Variants in NAPEPLD observed in about 807,000 individuals in gnomAD.
NAPEPLD encodes the protein N-acyl-phosphatidylethanolamine-hydrolyzing phospholipase D.
In NAPEPLD, 23 loss-of-function variants were observed where a neutral mutation model predicts 38.1. The observed-to-expected ratio is 0.60, with a 90% CI of 0.43 to 0.86. The LOEUF is 0.86. Among genes scored for constraint, NAPEPLD ranks in the 40% least tolerant of loss-of-function variants. The probability of loss-of-function intolerance (pLI) is 0.00; values close to 1 mark genes in which losing one functional copy is unlikely to be tolerated. For synonymous variants in NAPEPLD, 147 were observed against 162.0 expected (o/e 0.91, Z 0.71); for missense variants, 411 against 476.8 (o/e 0.86, Z 1.28).
chr7:103,120,034 G>T lies in NAPEPLD; in HGVS notation c.484C>A (p.Pro162Thr). Residue 162 changes from proline to threonine, a missense_variant, in exon 3 of 5, where the codon CCA (proline) becomes ACA (threonine). Coordinates refer to ENST00000465647, the MANE Select transcript of NAPEPLD (RefSeq NM_001122838.3). Reference protein sequence around the residue: ...SRASPSQYMGPKRFRRSPCTI... With the variant: ...SRASPSQYMGTKRFRRSPCTI... The stretch of plus-strand genomic sequence containing the variant: ...CACGGGGAACGACGAAATCGCTTTG[G>T]ACCCATGTACTGCGATGGTGAAGCA... 6.2e-7 allele frequency: 1 copy of T among 1,614,182 alleles called. No individual in the cohort carries two copies. Among genetic ancestry groups the T allele is most frequent in the South Asian group, 1.1e-5 (1 of 91,088 alleles).
chr7:103,113,956 T>G (rs1805075896), intron 4 of NAPEPLD, among the ~76,000 whole-genome samples: 1 of 150,692 alleles, frequency 6.6e-6, no homozygotes, highest in Non-Finnish European at 1.5e-5. Context: ...TGGAGTATAG[T>G]GGCACAATCT....
chr7:103,135,205 C>T (rs570706311), intron 1 of NAPEPLD, among the ~76,000 whole-genome samples: 2 of 152,310 alleles, frequency 1.3e-5, no homozygotes, highest in East Asian at 3.8e-4. Context: ...TCAGATATCT[C>T]TGACTAAATA....
intron 2 of NAPEPLD, among the ~76,000 whole-genome samples, chr7:103,120,643 A>G (rs1806449825): frequency 6.8e-6 from 1 of 147,576 alleles, no homozygotes; most frequent in African/African-American, 2.5e-5. Flanking sequence ...AAGAAAGCTT[A>G]TGACCATTTA....
Position 103,141,693 on chromosome 7 carries a change from C to T in NAPEPLD, c.-17+7118G>A, listed in dbSNP as rs1811409150. 4 of 914,564 alleles carry T rather than the reference C, an allele frequency of 4.4e-6. No homozygotes were observed. The South Asian group carries it at 5.2e-5, about 12-fold the overall frequency. 56.7% of individuals were successfully genotyped at this position (914,564 alleles called of 1,614,324 possible). ...TCTGGCATTCGGGCATTGGCTGTAC[C>T]CTTCCGCTTACCTATGCCCATATGC... On this transcript the variant is annotated intron_variant, in intron 1 of 4. Transcript: ENST00000465647.
At chr7:103,111,379 T>A (rs938882926) in intron 4 of NAPEPLD, among the ~76,000 whole-genome samples, 1 of 152,056 alleles carries the variant, frequency 6.6e-6, no homozygotes, top group Non-Finnish European at 1.5e-5. Context: ...GTTACAGTAA[T>A]CAAAACAGCA....
At position 103,101,429 on chromosome 7, in the gene NAPEPLD, C is replaced by G. The variant is rs887714797; in HGVS notation, c.*2000G>C. The stretch of plus-strand genomic sequence containing the variant: ...ATTTACACTTATTTAGGCTATTACT[C>G]CAATTTAAAAATCAGTGAAAGTTTT... On this transcript the variant is annotated 3_prime_UTR_variant, in exon 5 of 5. Coordinates refer to ENST00000465647, the MANE Select transcript of NAPEPLD (RefSeq NM_001122838.3). The G allele has an allele frequency of 2.6e-5, 4 of 152,204 alleles. No homozygotes were observed. The highest frequency in any genetic ancestry group is 5.9e-5 in the Non-Finnish European group (4 of 68,034). The allele number at this position is 152,204 out of a possible 1,614,324, so 9.4% of individuals were successfully genotyped here.
chr7:103,135,752 T>C (rs1017053614), intron 1 of NAPEPLD, among the ~76,000 whole-genome samples: 213 of 152,126 alleles, frequency 1.4e-3, no homozygotes, highest in African/African-American at 5.0e-3. Context: ...TCTATATATA[T>C]ATATATATCA....
chr7:103,120,701 CTTTTTTTTTTTTTTTT>C (rs869141133), intron 2 of NAPEPLD, among the ~76,000 whole-genome samples: 1 of 82,504 alleles, frequency 1.2e-5, no homozygotes, highest in African/African-American at 4.5e-5. Context: ...TGATATTTTT[CTTTTTTTTTTTTTTTT>C]TTTTTTTTTT....
chr7:103,135,743 CTA>C (rs10558828), intron 1 of NAPEPLD, among the ~76,000 whole-genome samples: 136,113 of 150,064 alleles, frequency 0.91, 63,049 homozygotes, highest in South Asian at 1. Flanking sequence ...ACATATAAAT[CTA>C]TATATATATA....
chr7:103,122,445 C>A (rs1237355701), intron 2 of NAPEPLD, among the ~76,000 whole-genome samples: 1 of 151,968 alleles, frequency 6.6e-6, no homozygotes, highest in Non-Finnish European at 1.5e-5. Flanking sequence ...CAAAAGAGGG[C>A]AGATGGGGAG....
At chr7:103,149,602 G>C, upstream of NAPEPLD, 2 of 763,132 alleles carry the variant, frequency 2.6e-6, no homozygotes, top group Non-Finnish European at 3.5e-6. Context: ...CGCCCCTGTG[G>C]GCCGGGGCGC....
chr7:103,113,603 T>C lies in NAPEPLD; in HGVS notation c.1056+1457A>G, dbSNP rs1234760623. 2.7e-5 allele frequency among the ~76,000 whole-genome samples: 4 copies of C among 147,586 alleles called. No individual in the cohort carries two copies. The East Asian group carries it at 8.0e-4, about 29-fold the overall frequency. ...TTTTTTTTAAAGACAGAGTCTCACTTTTTTTTTTAAGACAGAGTCTCACTT... is the reference window on the plus strand; with the variant it reads ...TTTTTTTTAAAGACAGAGTCTCACTCTTTTTTTTAAGACAGAGTCTCACTT... On this transcript the variant is annotated intron_variant, in intron 4 of 4. Coordinates refer to ENST00000465647, the MANE Select transcript of NAPEPLD (RefSeq NM_001122838.3).
chr7:103,109,366 A>G (rs1328291631), intron 4 of NAPEPLD, among the ~76,000 whole-genome samples: 1 of 152,198 alleles, frequency 6.6e-6, no homozygotes, highest in Non-Finnish European at 1.5e-5. Flanking sequence ...CAAATGCAAA[A>G]GAAAGGAAAT....
chr7:103,138,659 A>G lies in NAPEPLD; in HGVS notation c.-16-9867T>C, dbSNP rs369289219. Reference sequence around the variant, plus strand: ...AATTTTTTGTATTTTTAGTAGAGACAGGGTTTCATCATGTTGGCCAGGCTG... The same window carrying G: ...AATTTTTTGTATTTTTAGTAGAGACGGGGTTTCATCATGTTGGCCAGGCTG... On this transcript the variant is annotated intron_variant, in intron 1 of 4. Transcript: ENST00000465647. 2.6e-5 allele frequency among the ~76,000 whole-genome samples: 4 copies of G among 151,974 alleles called. No individual in the cohort carries two copies. In the East Asian group the frequency reaches 7.7e-4, roughly 29 times the overall value.
intron 3 of NAPEPLD, among the ~76,000 whole-genome samples, chr7:103,117,499 T>C (rs2129528408): frequency 6.6e-6 from 1 of 152,366 alleles, no homozygotes; most frequent in East Asian, 1.9e-4. Context: ...TTGGATAGAA[T>C]ACCTGGTGAC....
At position 103,148,811 on chromosome 7, in the gene NAPEPLD, A is replaced by T. The variant is rs570401707; in HGVS notation, c.-17T>A. 2 of 985,378 alleles carry T rather than the reference A, an allele frequency of 2.0e-6. No individual in the cohort carries two copies. Among genetic ancestry groups the T allele is most frequent in the South Asian group, 4.7e-5 (1 of 21,286 alleles). The allele number at this position is 985,378 out of a possible 1,614,324, so 61.0% of individuals were successfully genotyped here. On this transcript the variant is annotated splice_region_variant and 5_prime_UTR_variant, in exon 1 of 5. Coordinates refer to ENST00000465647, the MANE Select transcript of NAPEPLD (RefSeq NM_001122838.3). ...TACAACCAAAAGAAGATAAACCCAC[A>T]TGTATTCCTATCAGTGAAGATGCAA...
chr7:103,115,436 C>T (rs1022317272), intron 3 of NAPEPLD: 13 of 318,794 alleles, frequency 4.1e-5, no homozygotes, highest in Non-Finnish European at 6.2e-5. Context: ...CCCTTTGGTA[C>T]ACTTTCTGCT....
At chr7:103,111,908 A>G (rs911744000) in intron 4 of NAPEPLD, among the ~76,000 whole-genome samples, 6 of 152,098 alleles carry the variant, frequency 3.9e-5, no homozygotes, top group African/African-American at 1.4e-4. Flanking sequence ...AATTTACAAG[A>G]AAAAAACAAA....
At chr7:103,146,886 C>T (rs576317775) in intron 1 of NAPEPLD, among the ~76,000 whole-genome samples, 1 of 152,326 alleles carries the variant, frequency 6.6e-6, no homozygotes, top group African/African-American at 2.4e-5. Flanking sequence ...TTTTCCTCAT[C>T]TGTGGAACAA....
Sources: allele counts gnomAD v4.1 joint callset (sites outside exome capture counted in the v4.1 genomes callset), GRCh38; gene constraint gnomAD v4.1.1; transcripts MANE v1.5; gene names NCBI Gene and HGNC (gene_info 2026-07-23, HGNC 2026-07-21).